PPM1H: variants seen among roughly 807,000 people sequenced by gnomAD.
PPM1H encodes protein phosphatase 1H.
In PPM1H, 27 loss-of-function variants were observed where a neutral mutation model predicts 54.9. The ratio of observed to expected loss-of-function variants is 0.49; its 90% CI spans 0.36 to 0.68. PPM1H has a LOEUF of 0.68. PPM1H is among the 30% of genes least tolerant of loss of function. The pLI is 0.00. For synonymous variants in PPM1H, 305 were observed against 270.8 expected, an observed-to-expected ratio of 1.13 and a Z score of -1.24; for missense variants, 596 against 667.8, an observed-to-expected ratio of 0.89 and a Z score of 1.19.
At chr12:62,785,671 T>C (rs944421680) in intron 4 of PPM1H, among the ~76,000 whole-genome samples, 1 of 152,086 alleles carries the variant, frequency 6.6e-6, no homozygotes, top group African/African-American at 2.4e-5. Flanking sequence ...ATAGATGAAA[T>C]TGAAGTCTGG....
At chr12:62,912,078 A>C (rs1871477860) in intron 1 of PPM1H, among the ~76,000 whole-genome samples, 2 of 152,216 alleles carry the variant, frequency 1.3e-5, no homozygotes, top group African/African-American at 2.4e-5. Context: ...AAAAAGAAAA[A>C]GATGGCATCC....
At chr12:62,759,794 T>C (rs776113275) in intron 4 of PPM1H, among the ~76,000 whole-genome samples, 38 of 151,334 alleles carry the variant, frequency 2.5e-4, no homozygotes, top group Non-Finnish European at 4.3e-4. Flanking sequence ...TCCCACCCCA[T>C]TTCCACTTTC....
chr12:62,675,128 T>C (rs1404500543), intron 8 of PPM1H, among the ~76,000 whole-genome samples: 1 of 152,220 alleles, frequency 6.6e-6, no homozygotes, highest in Non-Finnish European at 1.5e-5. Context: ...GGTATAAATT[T>C]ATACTTGAAA....
chr12:62,732,076 C>T (rs2076324112), intron 5 of PPM1H, among the ~76,000 whole-genome samples: 1 of 152,166 alleles, frequency 6.6e-6, no homozygotes, highest in Admixed American at 6.5e-5. Context: ...AGAAACAAAA[C>T]CCAGCAACAG....
chr12:62,728,607 A>G (rs2076302859), intron 5 of PPM1H, among the ~76,000 whole-genome samples: 1 of 152,214 alleles, frequency 6.6e-6, no homozygotes, highest in African/African-American at 2.4e-5. Context: ...GCCTCTCACT[A>G]GGCAAGAGGG....
chr12:62,881,927 G>T (rs780071214), intron 1 of PPM1H, among the ~76,000 whole-genome samples: 1 of 152,072 alleles, frequency 6.6e-6, no homozygotes, highest in East Asian at 1.9e-4. Flanking sequence ...TGATGGACAT[G>T]TTCTAGATCT....
intron 9 of PPM1H, among the ~76,000 whole-genome samples, chr12:62,657,404 C>T (rs550805701): frequency 6.6e-6 from 1 of 152,224 alleles, no homozygotes; most frequent in Non-Finnish European, 1.5e-5. Context: ...CACAGCTCTG[C>T]CACATAAACA....
At chr12:62,851,583 A>T (rs1193114258) in intron 1 of PPM1H, among the ~76,000 whole-genome samples, 1 of 152,014 alleles carries the variant, frequency 6.6e-6, no homozygotes, top group Admixed American at 6.6e-5. Context: ...GGCACCTGTA[A>T]TCCCAGCTAC....
chr12:62,648,661 ACAGT>A, intron 9 of PPM1H, 25 bp from the exon 10 acceptor site: 1 of 1,612,334 alleles, frequency 6.2e-7, no homozygotes. Context: ...CAGGAACGAG[ACAGT>A]CAGTAGAGCA....
At chr12:62,896,385 A>G (rs1870988346) in intron 1 of PPM1H, among the ~76,000 whole-genome samples, 1 of 152,200 alleles carries the variant, frequency 6.6e-6, no homozygotes, top group South Asian at 2.1e-4. Flanking sequence ...CCTACAAAGA[A>G]CTTAAACAAA....
intron 3 of PPM1H, among the ~76,000 whole-genome samples, chr12:62,800,325 G>GTT (rs34021356): frequency 2.0e-5 from 3 of 146,912 alleles, no homozygotes; most frequent in African/African-American, 7.5e-5. Flanking sequence ...TAATCTCCAG[G>GTT]TTTTTTTTTT....
chr12:62,651,500 CT>C (rs1458862013), intron 9 of PPM1H, among the ~76,000 whole-genome samples: 1 of 152,112 alleles, frequency 6.6e-6, no homozygotes, highest in Non-Finnish European at 1.5e-5. Flanking sequence ...TCAAAATTAG[CT>C]TGGTATTTTT....
chr12:62,644,918 C>A lies in PPM1H; in HGVS notation c.*3571G>T, dbSNP rs3825305. 0.15 allele frequency: 22,926 copies of A among 152,226 alleles called. 2,080 individuals are homozygous for A. The highest frequency in any genetic ancestry group is 0.25 in the African/African-American group (10,279 of 41,508). The allele number at this position is 152,226 out of a possible 1,614,324, so 9.4% of individuals were successfully genotyped here. A position where few individuals can be genotyped will look rare whatever the true frequency, so the allele number is the denominator to read the frequency against. On this transcript the variant is annotated 3_prime_UTR_variant, in exon 10 of 10. Transcript: ENST00000228705. ...TCTCCAAGTGTCCCAGAAGCACTAA[C>A]TTACTGAAAATAGAATCTCATCAAA...
intron 2 of PPM1H, among the ~76,000 whole-genome samples, chr12:62,817,674 A>G (rs2076879479): frequency 6.6e-6 from 1 of 152,226 alleles, no homozygotes; most frequent in African/African-American, 2.4e-5. Context: ...TTGTAGAACC[A>G]GAAGCAACCT....
chr12:62,867,132 C>T (rs978010689), intron 1 of PPM1H, among the ~76,000 whole-genome samples: 1 of 152,092 alleles, frequency 6.6e-6, no homozygotes, highest in South Asian at 2.1e-4. Context: ...TAATTTGTAA[C>T]CTGTCTCCTG....
chr12:62,654,217 C>CAAAAAA (rs57812590), intron 9 of PPM1H, among the ~76,000 whole-genome samples: 975 of 65,422 alleles, frequency 0.015, 107 homozygotes, highest in Non-Finnish European at 0.016. Context: ...GACTCTTTCT[C>CAAAAAA]AAAAAAAAAA....
chr12:62,804,067 CATGGTGAA>C (rs2076789363), intron 2 of PPM1H, among the ~76,000 whole-genome samples: 4 of 152,144 alleles, frequency 2.6e-5, no homozygotes, highest in Admixed American at 6.5e-5. Context: ...TATCATATTT[CATGGTGAA>C]ATACTGCATG....
At position 62,887,088 on chromosome 12, in the gene PPM1H, G is replaced by A. The variant is rs184106967; in HGVS notation, c.245+47404C>T. The stretch of plus-strand genomic sequence containing the variant: ...TTAAGAAGCTGTATACAAGGACTCC[G>A]GCCAGTAGACTGGATGTGGAGAAAG... On this transcript the variant is annotated intron_variant, in intron 1 of 9. Coordinates refer to ENST00000228705, the MANE Select transcript of PPM1H (RefSeq NM_020700.2). 3.2e-3 allele frequency among the ~76,000 whole-genome samples: 483 copies of A among 152,300 alleles called. 3 individuals carry two copies. The highest frequency in any genetic ancestry group is 0.011 in the African/African-American group (463 of 41,568).
intron 2 of PPM1H, among the ~76,000 whole-genome samples, chr12:62,815,502 T>C (rs892930594): frequency 6.6e-6 from 1 of 152,232 alleles, no homozygotes; most frequent in Non-Finnish European, 1.5e-5. Flanking sequence ...GAGAATATTC[T>C]TAAACTATTA....
Sources: allele counts gnomAD v4.1 joint callset (sites outside exome capture counted in the v4.1 genomes callset), GRCh38; gene constraint gnomAD v4.1.1; transcripts MANE v1.5; gene names NCBI Gene and HGNC (gene_info 2026-07-23, HGNC 2026-07-21).